Variants in EIF5B observed in about 807,000 individuals in gnomAD.
The protein encoded by EIF5B is eIF-5B.
A neutral mutation model predicts 147.5 loss-of-function variants in EIF5B; 47 were observed. That is an observed-to-expected ratio of 0.32 (90% CI 0.25 to 0.41). The LOEUF is 0.41. Among genes scored for constraint, EIF5B ranks in the 10% least tolerant of loss-of-function variants. EIF5B has a pLI of 1.00. For missense variants in EIF5B, 1,064 were observed against 1,413.2 expected, an observed-to-expected ratio of 0.75 and a Z score of 3.96; for synonymous variants, 455 against 456.2, an observed-to-expected ratio of 1.00 and a Z score of 0.03.
intron 7 of EIF5B, 46 bp from the exon 8 acceptor site, chr2:99,369,346 T>A (rs1187079139): frequency 6.7e-7 from 1 of 1,492,632 alleles, no homozygotes; most frequent in South Asian, 1.2e-5. Flanking sequence ...TTAACAGAAA[T>A]TATACACCAA....
intron 1 of EIF5B, among the ~76,000 whole-genome samples, chr2:99,350,301 T>C (rs1216746244): frequency 6.6e-6 from 1 of 152,242 alleles, no homozygotes. Flanking sequence ...TTTGGCTATA[T>C]AGACCCAATG....
intron 20 of EIF5B, 38 bp downstream of exon 20, chr2:99,394,623 CG>C: frequency 6.2e-7 from 1 of 1,613,020 alleles, no homozygotes; most frequent in Non-Finnish European, 8.5e-7. Flanking sequence ...TTTCATGTTA[CG>C]TAGCTATCTT....
At position 99,400,659 on chromosome 2, in the gene EIF5B, C is replaced by G. The variant is rs1042053375; in HGVS notation, c.*1245C>G. On this transcript the variant is annotated 3_prime_UTR_variant, in exon 24 of 24. Transcript: ENST00000289371. ...ATAATGTTCCCAGGAAAAAAATCTT[C>G]AAGTGGGTGTGAGGGTGTTTCTAAT... 7 of 152,154 alleles carry G rather than the reference C, an allele frequency of 4.6e-5. No individual in the cohort carries two copies. The highest frequency in any genetic ancestry group is 1.7e-4 in the African/African-American group (7 of 41,434). 9.4% of individuals were successfully genotyped at this position (152,154 alleles called of 1,614,324 possible).
intron 1 of EIF5B, among the ~76,000 whole-genome samples, chr2:99,357,473 G>A (rs888350849): frequency 3.9e-5 from 6 of 152,136 alleles, no homozygotes; most frequent in African/African-American, 1.4e-4. Flanking sequence ...GCATTGGTCA[G>A]CACAATGCCT....
At chr2:99,352,243 T>C (rs897629121) in intron 1 of EIF5B, among the ~76,000 whole-genome samples, 10 of 152,306 alleles carry the variant, frequency 6.6e-5, no homozygotes, top group African/African-American at 2.4e-4. Context: ...TTGCTCAGGC[T>C]GGAGTGCAAT....
rs189351546 is a variant in EIF5B, at chr2:99,379,342, G to A, written c.1975G>A (p.Gly659Ser). The A allele has an allele frequency of 6.0e-5, 97 of 1,613,454 alleles. No individual in the cohort carries two copies. In the African/African-American group the frequency reaches 1.1e-3, roughly 19 times the overall value. The change falls in exon 12 of 24, where the codon GGT (glycine) becomes AGT (serine). Residue 659 changes from glycine to serine, a missense_variant. Coordinates refer to ENST00000289371, the MANE Select transcript of EIF5B (RefSeq NM_015904.4). ...GCTCCGTCACACACATGTACAAGATGGTGAAGCAGGTGGTATCACACAACA... is the reference window on the plus strand; with the variant it reads ...GCTCCGTCACACACATGTACAAGATAGTGAAGCAGGTGGTATCACACAACA... Reference protein sequence around the residue: ...DKLRHTHVQDGEAGGITQQIG... With the variant: ...DKLRHTHVQDSEAGGITQQIG...
intron 1 of EIF5B, among the ~76,000 whole-genome samples, chr2:99,359,133 G>A (rs923584631): frequency 6.6e-6 from 1 of 151,770 alleles, no homozygotes; most frequent in African/African-American, 2.4e-5. Flanking sequence ...GAGGCCGAGG[G>A]TGGCTGATCA....
In EIF5B at chr2:99,376,513, G is replaced by C; in HGVS notation, c.1719G>C (p.Lys573Asn). 1 of 1,613,938 alleles carries C rather than the reference G, an allele frequency of 6.2e-7. No individual in the cohort carries two copies. Among genetic ancestry groups the C allele is most frequent in the African/African-American group, 1.3e-5 (1 of 74,978 alleles). ...AAGATGAAAAGGTGTCAGATGAGAAGGATTCAGGGAAGACATTAGATAAAA... is the reference window on the plus strand; with the variant it reads ...AAGATGAAAAGGTGTCAGATGAGAACGATTCAGGGAAGACATTAGATAAAA... Reference protein sequence around the residue: ...DEEDEKVSDEKDSGKTLDKKP... With the variant: ...DEEDEKVSDENDSGKTLDKKP... The change falls in exon 10 of 24, where the codon AAG becomes AAC. Residue 573 changes from lysine to asparagine, a missense_variant. Lys to Asn is a moderately conservative substitution (Grantham distance 94). Coordinates refer to ENST00000289371, the MANE Select transcript of EIF5B (RefSeq NM_015904.4).
chr2:99,345,764 G>A (rs1017210270), intron 1 of EIF5B, among the ~76,000 whole-genome samples: 5 of 151,810 alleles, frequency 3.3e-5, no homozygotes, highest in African/African-American at 1.2e-4. Flanking sequence ...GTGCAACGTG[G>A]GGAGACCCCA....
chr2:99,363,530 T>C, intron 4 of EIF5B, 115 bp from the exon 5 acceptor site: 1 of 1,025,234 alleles, frequency 9.8e-7, no homozygotes, highest in South Asian at 1.6e-5. Context: ...CTTAGCCTGC[T>C]GCTGGCATCG....
In EIF5B at chr2:99,361,829, A is replaced by G. The variant is rs2105345206; in HGVS notation, c.919+9A>G. On this transcript the variant is annotated intron_variant, in intron 4 of 23. Coordinates refer to ENST00000289371, the MANE Select transcript of EIF5B (RefSeq NM_015904.4). The stretch of plus-strand genomic sequence containing the variant: ...TCCCACAGCTGCAGAAGGTTGGTTA[A>G]TACTTTAGAGGAAAGAGCAAAAGGC... The G allele has an allele frequency of 1.3e-6, 2 of 1,522,868 alleles. No individual in the cohort carries two copies. The highest frequency in any genetic ancestry group is 2.8e-5 in the African/African-American group (2 of 71,216). 94.3% of individuals were successfully genotyped at this position (1,522,868 alleles called of 1,614,324 possible). A position where few individuals can be genotyped will look rare whatever the true frequency, so the allele number is the denominator to read the frequency against.
chr2:99,364,024 A>G (rs552555606), intron 5 of EIF5B, among the ~76,000 whole-genome samples, 162 bp downstream of exon 5: 126 of 152,330 alleles, frequency 8.3e-4, no homozygotes, highest in Non-Finnish European at 1.5e-3. Flanking sequence ...GGTACAGCAC[A>G]TCTTATCTTT....
intron 9 of EIF5B, among the ~76,000 whole-genome samples, chr2:99,373,028 T>G (rs1559253118): frequency 1.3e-5 from 2 of 152,224 alleles, no homozygotes. Context: ...TTATGTATTT[T>G]TATGCTGTGT....
At chr2:99,383,865 TC>T (rs1674742604) in intron 14 of EIF5B, among the ~76,000 whole-genome samples, 3 of 48,728 alleles carry the variant, frequency 6.2e-5, no homozygotes, top group Non-Finnish European at 1.3e-4. Flanking sequence ...TCAGGCTGAC[TC>T]TCTAGTTAGG....
intron 1 of EIF5B, among the ~76,000 whole-genome samples, chr2:99,351,949 C>T (rs1449595363): frequency 6.6e-6 from 1 of 152,118 alleles, no homozygotes; most frequent in Non-Finnish European, 1.5e-5. Context: ...ATCTGCCCAC[C>T]TCGGCCTCCC....
chr2:99,362,919 C>T (rs373266957), intron 4 of EIF5B, among the ~76,000 whole-genome samples: 3 of 151,752 alleles, frequency 2.0e-5, no homozygotes, highest in East Asian at 2.0e-4. Flanking sequence ...CCACCATGCC[C>T]GGCTAATTTT....
At chr2:99,373,063 C>T (rs1284962996) in intron 9 of EIF5B, among the ~76,000 whole-genome samples, 1 of 152,024 alleles carries the variant, frequency 6.6e-6, no homozygotes, top group Non-Finnish European at 1.5e-5. Context: ...AATCTTGTAT[C>T]TTTCTAATGA....
chr2:99,378,889 G>A, intron 10 of EIF5B, 130 bp from the exon 11 acceptor site: 1 of 632,172 alleles, frequency 1.6e-6, no homozygotes, highest in East Asian at 2.9e-5. Context: ...TTCCAATTAT[G>A]TGTAGTCAAA....
chr2:99,353,005 C>CTTTTTTTTTTTTTTTTTTTTTTTTTTTT (rs529053292), intron 1 of EIF5B, among the ~76,000 whole-genome samples: 1 of 62,850 alleles, frequency 1.6e-5, no homozygotes, highest in Admixed American at 2.5e-4. Flanking sequence ...TCTTCTTCTT[C>CTTTTTTTTTTTTTTTTTTTTTTTTTTTT]TTTTTTTTTT....
Sources: gnomAD v4.1 joint callset for allele counts (sites outside exome capture counted in the v4.1 genomes callset) on GRCh38, gnomAD v4.1.1 for gene constraint, MANE v1.5 for transcripts, NCBI Gene and HGNC (gene_info 2026-07-23, HGNC 2026-07-21) for gene names.